MVB12B: variants seen among roughly 807,000 people sequenced by gnomAD.
MVB12B encodes the protein multivesicular body subunit 12B.
In MVB12B, 16 loss-of-function variants were observed where a neutral mutation model predicts 41.6. That is an observed-to-expected ratio of 0.38 (90% CI 0.26 to 0.58). The LOEUF is 0.58. Among genes scored for constraint, MVB12B ranks in the 20% least tolerant of loss-of-function variants. MVB12B has a pLI of 0.62. For synonymous variants in MVB12B, 133 were observed against 139.7 expected (o/e 0.95, Z 0.34); for missense variants, 274 against 380.2 (o/e 0.72, Z 2.32).
At chr9:126,501,238 C>A (rs1406876480) in intron 9 of MVB12B, among the ~76,000 whole-genome samples, 1 of 152,220 alleles carries the variant, frequency 6.6e-6, no homozygotes, top group Non-Finnish European at 1.5e-5. Flanking sequence ...GCTCAGTGAT[C>A]GCTTGCTCAG....
In MVB12B at chr9:126,395,822, A is replaced by G. The variant is rs1021263872; in HGVS notation, c.662+125A>G. ...GTACAGCTGAATAATTGTAGAAGCA[A>G]TATATCTTTAGAGGAGATTTTTAAA... On this transcript the variant is annotated intron_variant, in intron 6 of 9. Transcript: ENST00000361171. This position sits in a 1 kb window ranked among gnomAD's most constrained non-coding sequence, Gnocchi z 4.9. 26 of 1,498,990 alleles carry G rather than the reference A, an allele frequency of 1.7e-5. No homozygotes were observed. The Admixed American group carries it at 3.4e-4, about 20-fold the overall frequency. The allele number at this position is 1,498,990 out of a possible 1,614,324, so 92.9% of individuals were successfully genotyped here.
chr9:126,410,272 C>T (rs1831605788), intron 6 of MVB12B, among the ~76,000 whole-genome samples: 1 of 152,142 alleles, frequency 6.6e-6, no homozygotes, highest in Non-Finnish European at 1.5e-5. Context: ...TTGGTCGTGG[C>T]AAATGGGCTT....
intron 7 of MVB12B, among the ~76,000 whole-genome samples, chr9:126,471,706 G>T (rs1306218295): frequency 6.6e-6 from 1 of 152,160 alleles, no homozygotes; most frequent in Non-Finnish European, 1.5e-5. Context: ...AATTGTAAAG[G>T]ACTTTTGAAA....
At chr9:126,387,094 A>G (rs981854155) in intron 4 of MVB12B, among the ~76,000 whole-genome samples, 4 of 152,180 alleles carry the variant, frequency 2.6e-5, no homozygotes, top group Non-Finnish European at 5.9e-5. Context: ...AAGAAAAGTG[A>G]GAATCAAAAA....
At chr9:126,483,829 C>A in intron 8 of MVB12B, 144 bp from the exon 9 acceptor site, 1 of 819,000 alleles carries the variant, frequency 1.2e-6, no homozygotes, top group Non-Finnish European at 2.0e-6. Flanking sequence ...CCGAGAGTCC[C>A]ACTGACTGTC....
At chr9:126,435,744 C>T (rs546647636) in intron 7 of MVB12B, among the ~76,000 whole-genome samples, 52 of 152,040 alleles carry the variant, frequency 3.4e-4, no homozygotes, top group African/African-American at 1.0e-3. Context: ...TGTCCCTGAG[C>T]TCACTTGCTG....
chr9:126,329,930 A>G (rs1456633310), intron 1 of MVB12B, among the ~76,000 whole-genome samples: 1 of 143,606 alleles, frequency 7.0e-6, no homozygotes, highest in South Asian at 2.4e-4. Flanking sequence ...CCCGCCCCCA[A>G]CCCCGGCTCT....
chr9:126,456,187 C>A (rs989276592), intron 7 of MVB12B, among the ~76,000 whole-genome samples: 1 of 152,098 alleles, frequency 6.6e-6, no homozygotes, highest in Non-Finnish European at 1.5e-5. Context: ...CACCACGCCC[C>A]GCCTGATAGG....
Position 126,503,234 on chromosome 9 carries a change from A to G in MVB12B, c.931A>G (p.Thr311Ala). ...AGCCGCCAGGCTCCCGCCCAGCCCCACCAGGTGTCAGCAGATCCCGCAGTC... is the reference window on the plus strand; with the variant it reads ...AGCCGCCAGGCTCCCGCCCAGCCCCGCCAGGTGTCAGCAGATCCCGCAGTC... ...SAAARLPPSP[T>A]RCQQIPQS is the part of the protein sequence containing the mutation. The change falls in exon 10 of 10, where the codon ACC becomes GCC. Residue 311 changes from threonine (T) to alanine (A), a missense_variant. Coordinates refer to ENST00000361171, the MANE Select transcript of MVB12B (RefSeq NM_033446.3). 1 of 1,550,348 alleles carries G rather than the reference A, an allele frequency of 6.5e-7. No homozygotes were observed. Among genetic ancestry groups the G allele is most frequent in the Non-Finnish European group, 8.7e-7 (1 of 1,146,898 alleles).
intron 7 of MVB12B, among the ~76,000 whole-genome samples, chr9:126,441,390 G>C (rs929274450): frequency 2.0e-5 from 3 of 152,240 alleles, no homozygotes; most frequent in African/African-American, 7.2e-5. Context: ...AAGGGGAAAA[G>C]AGATGAACTC....
Position 126,431,706 on chromosome 9 carries a change from C to G in MVB12B, c.757+9758C>G, listed in dbSNP as rs73597428. Among the ~76,000 whole-genome samples, 229 of 152,240 alleles carry G rather than the reference C, an allele frequency of 1.5e-3. 1 individual carries two copies. The highest frequency in any genetic ancestry group is 5.2e-3 in the African/African-American group (215 of 41,522). ...TTGGAAAAGGGTTAAATCTGTGGTC[C>G]AGGCAGCCGAGGGCAGCTGGATGAA... On this transcript the variant is annotated intron_variant, in intron 7 of 9. Transcript: ENST00000361171.
chr9:126,327,160 C>A (rs1829004629), intron 1 of MVB12B, 150 bp downstream of exon 1: 1 of 732,366 alleles, frequency 1.4e-6, no homozygotes, highest in Non-Finnish European at 1.7e-6. Flanking sequence ...GCCCGGCCCG[C>A]GGCGGGGACA....
chr9:126,413,922 A>T (rs1036985017), intron 6 of MVB12B, among the ~76,000 whole-genome samples: 2 of 150,524 alleles, frequency 1.3e-5, no homozygotes, highest in African/African-American at 4.9e-5. Context: ...GCTAGTCACC[A>T]CTCTCTCGAC....
At chr9:126,417,483 G>A (rs1339489096) in intron 6 of MVB12B, among the ~76,000 whole-genome samples, 1 of 152,106 alleles carries the variant, frequency 6.6e-6, no homozygotes, top group Non-Finnish European at 1.5e-5. Context: ...GAGATTCAGG[G>A]TATAAAACAG....
chr9:126,394,456 G>T (rs1468013419), intron 5 of MVB12B, among the ~76,000 whole-genome samples: 1 of 152,096 alleles, frequency 6.6e-6, no homozygotes, highest in Non-Finnish European at 1.5e-5. Context: ...TCATCTTGGG[G>T]CAACAGTTCT....
In MVB12B at chr9:126,340,552, G is replaced by A. The variant is rs556994971; in HGVS notation, c.126G>A (p.Leu42=). The A allele has an allele frequency of 8.7e-6, 14 of 1,614,156 alleles. No homozygotes were observed. The African/African-American group carries it at 1.1e-4, about 12-fold the overall frequency. Residue 42 remains leucine, a synonymous_variant, in exon 2 of 10, where the codon TTG becomes TTA. Transcript: ENST00000361171. This position sits in a 1 kb window ranked among gnomAD's most constrained non-coding sequence, Gnocchi z 4.0. The part of the protein sequence containing the change: ...MPEVKDLSEA[L]PETSMDPITG... ...AAGTCAAAGACCTCTCAGAAGCCTT[G>A]CCAGAAACGTCAATGGATCCCATCA...
intron 7 of MVB12B, among the ~76,000 whole-genome samples, chr9:126,464,186 C>G (rs1833147395): frequency 6.6e-6 from 1 of 152,168 alleles, no homozygotes; most frequent in Non-Finnish European, 1.5e-5. Flanking sequence ...GATCGGAGCA[C>G]AGTCATCCAC....
intron 1 of MVB12B, among the ~76,000 whole-genome samples, chr9:126,331,632 G>A (rs1248010331): frequency 6.6e-6 from 1 of 152,128 alleles, no homozygotes; most frequent in Non-Finnish European, 1.5e-5. Flanking sequence ...TTATAACCCT[G>A]TAGAAACAAT....
chr9:126,328,556 T>C (rs187872906), intron 1 of MVB12B, among the ~76,000 whole-genome samples: 27 of 152,322 alleles, frequency 1.8e-4, no homozygotes, highest in African/African-American at 6.5e-4. Context: ...ATTGAACTTT[T>C]CTGAGTTTCA....
Sources: gnomAD v4.1 joint callset for allele counts (sites outside exome capture counted in the v4.1 genomes callset) on GRCh38, gnomAD v4.1.1 for gene constraint, Gnocchi (gnomAD v3.1) non-coding constraint, MANE v1.5 for transcripts, NCBI Gene and HGNC (gene_info 2026-07-23, HGNC 2026-07-21) for gene names.